The following MTMR10 variants were observed in gnomAD, a reference collection of about 807,000 sequenced individuals.
MTMR10 encodes myotubularin related protein 10, also known as myotubularin-related protein 10.
In MTMR10, 56 loss-of-function variants were observed where a neutral mutation model predicts 88.1. The ratio of observed to expected loss-of-function variants is 0.64; its 90% CI spans 0.51 to 0.79. MTMR10 has a LOEUF of 0.79. Ranked by LOEUF, MTMR10 falls within the 30% of genes least tolerant of loss-of-function variation. The pLI is 0.00. For missense variants in MTMR10, 883 were observed against 924.7 expected (o/e 0.95, Z 0.58); for synonymous variants, 380 against 340.9 (o/e 1.11, Z -1.26).
intron 3 of MTMR10, among the ~76,000 whole-genome samples, chr15:30,976,210 G>C (rs746371526): frequency 2.6e-5 from 4 of 151,434 alleles, no homozygotes; most frequent in African/African-American, 4.8e-5. Flanking sequence ...AGACCAATCC[G>C]GGCATCATAA....
intron 14 of MTMR10, among the ~76,000 whole-genome samples, chr15:30,945,468 C>T (rs562328286): frequency 1.3e-5 from 2 of 152,154 alleles, no homozygotes; most frequent in Admixed American, 6.5e-5. Context: ...GAGTCCTCCA[C>T]GCAGATACCC....
chr15:30,943,767 C>G (rs1316818388), intron 14 of MTMR10: 5 of 985,294 alleles, frequency 5.1e-6, no homozygotes, highest in Admixed American at 6.1e-5. Flanking sequence ...TACAGGGTGA[C>G]AGCCAACCAC....
chr15:30,985,227 C>T lies in MTMR10; in HGVS notation c.121+5550G>A, dbSNP rs115733581. Among the ~76,000 whole-genome samples the T allele has an allele frequency of 8.1e-3, 1,237 of 152,334 alleles. 14 individuals carry two copies. Among genetic ancestry groups the T allele is most frequent in the African/African-American group, 0.028 (1,147 of 41,566 alleles). ...GACTGTGCTTCGGCACAGCCAGCAA[C>T]AGGAAGTCCACTACCTCCCTAAGAC... On this transcript the variant is annotated intron_variant, in intron 2 of 15. Transcript: ENST00000435680.
chr15:30,937,291 A>C (rs759645046), downstream of MTMR10: 4 of 1,579,034 alleles, frequency 2.5e-6, no homozygotes, highest in Admixed American at 3.9e-5. Context: ...GTCATACATT[A>C]ATGTAAGATT....
the MTMR10 span, chr15:30,927,288 G>A: frequency 7.1e-6 from 7 of 985,468 alleles, no homozygotes; most frequent in East Asian, 7.9e-4. Flanking sequence ...CACCAGGACG[G>A]AACACTGACT....
chr15:30,927,548 C>G, the MTMR10 span: 2 of 985,710 alleles, frequency 2.0e-6, no homozygotes, highest in Non-Finnish European at 2.4e-6. Context: ...TTCCTGCCCT[C>G]TGCTCTCACA....
At chr15:30,982,934 C>T (rs571696801) in intron 2 of MTMR10, among the ~76,000 whole-genome samples, 24 of 152,156 alleles carry the variant, frequency 1.6e-4, no homozygotes, top group Non-Finnish European at 2.8e-4. Flanking sequence ...CACAAAGTGG[C>T]CTCTTCCCAG....
chr15:30,922,085 C>A, the MTMR10 span: 1 of 980,366 alleles, frequency 1.0e-6, no homozygotes, highest in Non-Finnish European at 1.5e-6. Flanking sequence ...CTCAAAGTCC[C>A]TGTCCTGTCA....
chr15:30,925,347 G>C, the MTMR10 span: 9 of 1,502,834 alleles, frequency 6.0e-6, no homozygotes, highest in Admixed American at 1.9e-5. Flanking sequence ...TGGTTTTTTT[G>C]GACCAGAAGC....
At position 30,953,640 on chromosome 15, in the gene MTMR10, A is replaced by G. The variant is rs2063281607; in HGVS notation, c.1067-9T>C. On this transcript the variant is annotated splice_polypyrimidine_tract_variant and intron_variant, in intron 10 of 15. Transcript: ENST00000435680. Reference sequence around the variant, plus strand: ...AGTTTCTTCAAAAGGCTCTGTAATAAATTATATACATACACATTTTTACTT... The same window carrying G: ...AGTTTCTTCAAAAGGCTCTGTAATAGATTATATACATACACATTTTTACTT... 6.7e-7 allele frequency: 1 copy of G among 1,494,924 alleles called. No homozygotes were observed. Among genetic ancestry groups the G allele is most frequent in the African/African-American group, 1.4e-5 (1 of 71,606 alleles). The allele number at this position is 1,494,924 out of a possible 1,614,324, so 92.6% of individuals were successfully genotyped here. A position where few individuals can be genotyped will look rare whatever the true frequency, so the allele number is the denominator to read the frequency against.
At chr15:30,954,678 A>AT in intron 10 of MTMR10, 85 bp downstream of exon 10, 1 of 1,289,876 alleles carries the variant, frequency 7.8e-7, no homozygotes. Context: ...CTATTTCTAC[A>AT]TTTTTAAGAA....
chr15:30,951,761 A>G (rs2063250537), intron 12 of MTMR10, among the ~76,000 whole-genome samples: 1 of 152,078 alleles, frequency 6.6e-6, no homozygotes, highest in Non-Finnish European at 1.5e-5. Flanking sequence ...CGACCTCCCA[A>G]AGTCTGGGAT....
At chr15:30,926,634 G>A in the MTMR10 span, 12 of 985,256 alleles carry the variant, frequency 1.2e-5, no homozygotes, top group Non-Finnish European at 1.4e-5. Flanking sequence ...TGGGGAAGAC[G>A]TGCAAATGCC....
the MTMR10 span, chr15:30,920,761 C>T: frequency 1.5e-6 from 1 of 653,188 alleles, no homozygotes; most frequent in Admixed American, 3.0e-5. Context: ...GGTTAGCACA[C>T]AGTAATATAA....
rs142539936 is a variant in MTMR10, at chr15:30,975,065, A to C, written c.259-62T>G. On this transcript the variant is annotated intron_variant, in intron 3 of 15. Transcript: ENST00000435680. ...CCAATAATCTCACAATGGTAGTATA[A>C]GCCTTAAACTGTGATGATAAACTGT... The C allele has an allele frequency of 8.9e-4, 1,102 of 1,239,440 alleles. 5 individuals carry two copies. The highest frequency in any genetic ancestry group is 7.2e-3 in the East Asian group (274 of 38,204). 76.8% of individuals were successfully genotyped at this position (1,239,440 alleles called of 1,614,324 possible). A position where few individuals can be genotyped will look rare whatever the true frequency, so the allele number is the denominator to read the frequency against.
At chr15:30,984,798 C>T (rs977764863) in intron 2 of MTMR10, among the ~76,000 whole-genome samples, 6 of 152,186 alleles carry the variant, frequency 3.9e-5, no homozygotes, top group African/African-American at 1.2e-4. Context: ...AGCTGACGCA[C>T]AGCCTCAGCA....
the MTMR10 span, chr15:30,925,944 C>G: frequency 4.3e-6 from 7 of 1,613,854 alleles, no homozygotes; most frequent in Admixed American, 6.7e-5. Flanking sequence ...ACCAGGGTAA[C>G]TGAGCAGGCT....
rs772011904 is a variant in MTMR10 at position 30,953,547 on chromosome 15, T to C, written c.1136+15A>G. Reference sequence around the variant, plus strand: ...AATAAAAAGTTAAAGGAAAAGAAAGTAAAGAAGTACAAACCTTACATATTC... The same window carrying C: ...AATAAAAAGTTAAAGGAAAAGAAAGCAAAGAAGTACAAACCTTACATATTC... On this transcript the variant is annotated intron_variant, in intron 11 of 15. Coordinates refer to ENST00000435680, the MANE Select transcript of MTMR10 (RefSeq NM_017762.3). 1.2e-5 allele frequency: 18 copies of C among 1,513,678 alleles called. No homozygotes were observed. The highest frequency in any genetic ancestry group is 1.6e-5 in the Non-Finnish European group (18 of 1,119,176). 93.8% of individuals were successfully genotyped at this position (1,513,678 alleles called of 1,614,324 possible).
At chr15:30,979,607 C>A (rs1487326002) in intron 2 of MTMR10, among the ~76,000 whole-genome samples, 1 of 152,056 alleles carries the variant, frequency 6.6e-6, no homozygotes, top group African/African-American at 2.4e-5. Flanking sequence ...ATTTCAGGTT[C>A]CTGAGAAGGG....
Sources: allele counts gnomAD v4.1 joint callset (sites outside exome capture counted in the v4.1 genomes callset), GRCh38; gene constraint gnomAD v4.1.1; transcripts MANE v1.5; gene names NCBI Gene and HGNC (gene_info 2026-07-23, HGNC 2026-07-21).